The following LRP2 variants were observed in gnomAD, a reference collection of about 807,000 sequenced individuals.
LRP2 encodes LDL receptor related protein 2.
In LRP2, 172 loss-of-function variants were observed where a neutral mutation model predicts 531.0. The ratio of observed to expected loss-of-function variants is 0.32; its 90% CI spans 0.29 to 0.37. The LOEUF (loss-of-function observed/expected upper bound fraction) is 0.37, where lower values mean the gene tolerates loss of function less well. Ranked by LOEUF, LRP2 falls within the 10% of genes least tolerant of loss-of-function variation. The pLI, the probability that LRP2 is intolerant of heterozygous loss-of-function variation, is 1.00. For missense variants in LRP2, 5,167 were observed against 5,868.3 expected (o/e 0.88, Z 3.90); for synonymous variants, 1,992 against 2,027.6 (o/e 0.98, Z 0.47).
chr2:169,197,059 T>A (rs1438545173), intron 45 of LRP2, 29 bp from the exon 46 acceptor site: 2 of 1,612,192 alleles, frequency 1.2e-6, no homozygotes, highest in Non-Finnish European at 1.7e-6. Context: ...ATAAAACCCA[T>A]GAGCAAAACA....
intron 1 of LRP2, among the ~76,000 whole-genome samples, chr2:169,329,278 C>T (rs543100603): frequency 5.3e-5 from 8 of 152,312 alleles, no homozygotes; most frequent in Middle Eastern, 6.8e-3. Context: ...CGTGATCACT[C>T]ACGCCTGTAA....
chr2:169,225,556 C>T (rs1689173294), intron 32 of LRP2, 103 bp from the exon 33 acceptor site: 1 of 1,333,214 alleles, frequency 7.5e-7, no homozygotes, highest in Admixed American at 1.7e-5. Context: ...ATTTCTTGAA[C>T]AGTCCTTACA....
chr2:169,324,263 T>G (rs1005632437), intron 1 of LRP2, among the ~76,000 whole-genome samples: 4 of 152,190 alleles, frequency 2.6e-5, no homozygotes, highest in Non-Finnish European at 5.9e-5. Flanking sequence ...CAGCTCTGAT[T>G]CCAGCATTCG....
intron 4 of LRP2, among the ~76,000 whole-genome samples, chr2:169,297,489 T>C (rs956278554): frequency 1.3e-5 from 2 of 152,174 alleles, no homozygotes; most frequent in Non-Finnish European, 2.9e-5. Flanking sequence ...CAAGTAGCTA[T>C]AAATTAAGCC....
Position 169,280,486 on chromosome 2 carries a change from C to G in LRP2, c.1205G>C (p.Arg402Pro). The G allele has an allele frequency of 6.2e-7, 1 of 1,614,124 alleles. No homozygotes were observed. The highest frequency in any genetic ancestry group is 8.5e-7 in the Non-Finnish European group (1 of 1,180,030). ...GEASIIFSNG[R>P]DLLIGDIHGR... ...ATGAATATCACCAATTAACAAATCCCGACCATTGGAGAAGATAATGGAGGC... is the reference window on the plus strand; with the variant it reads ...ATGAATATCACCAATTAACAAATCCGGACCATTGGAGAAGATAATGGAGGC... Residue 402 changes from arginine to proline, a missense_variant, in exon 11 of 79, where the codon CGG becomes CCG. Arg to Pro is a moderately radical substitution (Grantham distance 103). Coordinates refer to ENST00000649046, the MANE Select transcript of LRP2 (RefSeq NM_004525.3).
chr2:169,246,799 G>A lies in LRP2; in HGVS notation c.3096C>T (p.Pro1032=). The A allele has an allele frequency of 6.2e-7, 1 of 1,614,128 alleles. No individual in the cohort carries two copies. Among genetic ancestry groups the A allele is most frequent in the East Asian group, 2.2e-5 (1 of 44,870 alleles). ...PTEQCGLFSF[P]CKNGRCVPNY... The stretch of plus-strand genomic sequence containing the variant: ...TGGGCACACATCTGCCATTTTTACA[G>A]GGGAAGGAAAATAAGCCACACTGCT... Residue 1032 remains proline (P), a synonymous_variant, in exon 21 of 79, where the codon CCC becomes CCT. Transcript: ENST00000649046.
chr2:169,278,611 G>T (rs1271459242), intron 12 of LRP2, among the ~76,000 whole-genome samples: 1 of 152,082 alleles, frequency 6.6e-6, no homozygotes, highest in African/African-American at 2.4e-5. Context: ...AAGCCATTTT[G>T]CTCCTCAGTT....
intron 31 of LRP2, among the ~76,000 whole-genome samples, chr2:169,230,876 G>C (rs888188585): frequency 3.9e-5 from 6 of 152,184 alleles, no homozygotes; most frequent in Admixed American, 2.6e-4. Context: ...TCAGTCACTT[G>C]TAATATCTCA....
At chr2:169,165,560 T>A (rs941883803) in intron 62 of LRP2, among the ~76,000 whole-genome samples, 16 of 152,238 alleles carry the variant, frequency 1.1e-4, no homozygotes, top group African/African-American at 3.9e-4. Context: ...TCCTGAAGGC[T>A]GAAGGATGAT....
chr2:169,326,448 C>A (rs993315237), intron 1 of LRP2, among the ~76,000 whole-genome samples: 4 of 151,566 alleles, frequency 2.6e-5, no homozygotes, highest in African/African-American at 9.7e-5. Context: ...CAGCTCCTAA[C>A]CGCGAGTGAT....
intron 16 of LRP2, among the ~76,000 whole-genome samples, chr2:169,264,004 C>A (rs968973087): frequency 6.6e-6 from 1 of 151,994 alleles, no homozygotes; most frequent in Non-Finnish European, 1.5e-5. Flanking sequence ...GAACAAAAAA[C>A]CAAACACTGC....
intron 3 of LRP2, among the ~76,000 whole-genome samples, chr2:169,308,278 G>T (rs544276981): frequency 1.3e-5 from 2 of 151,878 alleles, no homozygotes; most frequent in Non-Finnish European, 2.9e-5. Flanking sequence ...CAGCGTGCAG[G>T]TTTGTTACAT....
At chr2:169,130,931 G>T (rs1483772872) in intron 77 of LRP2, among the ~76,000 whole-genome samples, 1 of 152,208 alleles carries the variant, frequency 6.6e-6, no homozygotes, top group East Asian at 1.9e-4. Context: ...TAACAGACAT[G>T]CAGATCAGAG....
chr2:169,329,268 C>T (rs1342234747), intron 1 of LRP2, among the ~76,000 whole-genome samples: 1 of 152,104 alleles, frequency 6.6e-6, no homozygotes, highest in Non-Finnish European at 1.5e-5. Flanking sequence ...ACAGGCCAGG[C>T]GTGATCACTC....
chr2:169,239,641 A>T lies in LRP2; in HGVS notation c.4180T>A (p.Cys1394Ser). 6.2e-7 allele frequency: 1 copy of T among 1,614,122 alleles called. No individual in the cohort carries two copies. The highest frequency in any genetic ancestry group is 8.5e-7 in the Non-Finnish European group (1 of 1,179,950). ...DSKTCEDIDE[C>S]DILGSCSQHC... ...TGGCTACAAGAGCCTAGAATATCAC[A>T]TTCATCTATGTCTTCACAGGTCTTA... is the stretch of plus-strand genomic sequence containing the variant. Residue 1394 changes from cysteine to serine, a missense_variant, in exon 26 of 79, where the codon TGT (cysteine) becomes AGT (serine). Cys to Ser is a moderately radical substitution (Grantham distance 112). Coordinates refer to ENST00000649046, the MANE Select transcript of LRP2 (RefSeq NM_004525.3).
chr2:169,206,264 G>A, intron 39 of LRP2, 66 bp downstream of exon 39: 1 of 1,605,872 alleles, frequency 6.2e-7, no homozygotes, highest in South Asian at 1.1e-5. Context: ...GAAACACTCA[G>A]TCATCCATGT....
intron 13 of LRP2, among the ~76,000 whole-genome samples, chr2:169,276,599 G>C (rs1379292675): frequency 6.6e-6 from 1 of 152,054 alleles, no homozygotes; most frequent in Non-Finnish European, 1.5e-5. Flanking sequence ...TAACCAAGCA[G>C]AGATTGTCCC....
At chr2:169,294,342 T>C (rs930692780) in intron 5 of LRP2, 81 bp from the exon 6 acceptor site, 1 of 901,194 alleles carries the variant, frequency 1.1e-6, no homozygotes, top group Non-Finnish European at 1.9e-6. Context: ...GAAGAGCATC[T>C]CCAGTTTAAA....
chr2:169,292,408 C>A (rs775732895), intron 6 of LRP2, 39 bp from the exon 7 acceptor site: 42 of 1,344,868 alleles, frequency 3.1e-5, no homozygotes, highest in Non-Finnish European at 4.3e-5. Flanking sequence ...AGACACAAAT[C>A]ACCGGGAAAA....
Sources: gnomAD v4.1 joint callset for allele counts (sites outside exome capture counted in the v4.1 genomes callset) on GRCh38, gnomAD v4.1.1 for gene constraint, MANE v1.5 for transcripts, NCBI Gene and HGNC (gene_info 2026-07-23, HGNC 2026-07-21) for gene names.